Variants in NACC1 observed in about 807,000 individuals in gnomAD.
NACC1 encodes the protein nucleus accumbens associated 1, also known as nucleus accumbens-associated protein 1.
NACC1 carries 6 observed loss-of-function variants against 41.7 expected under a neutral mutation model. The ratio of observed to expected loss-of-function variants is 0.14; its 90% CI spans 0.08 to 0.28. The LOEUF (loss-of-function observed/expected upper bound fraction) is 0.28, where lower values mean the gene tolerates loss of function less well. Ranked by LOEUF, NACC1 falls within the 10% of genes least tolerant of loss-of-function variation. NACC1 has a pLI of 1.00. For synonymous variants in NACC1, 338 were observed against 330.6 expected (o/e 1.02, Z -0.24); for missense variants, 434 against 763.7 (o/e 0.57, Z 5.09).
Position 13,128,088 on chromosome 19 carries a change from C to T in NACC1, c.-8-7112C>T, listed in dbSNP as rs113449418. On this transcript the variant is annotated intron_variant, in intron 1 of 5. Coordinates refer to ENST00000292431, the MANE Select transcript of NACC1 (RefSeq NM_052876.4). ...AGGAGGGCCAGAGCTGGTGAAGCTA[C>T]GGCATTCACAGGTTTTGGGAAGGAC... Among the ~76,000 whole-genome samples, 765 of 152,234 alleles carry T rather than the reference C, an allele frequency of 5.0e-3. 9 individuals carry two copies. Among genetic ancestry groups the T allele is most frequent in the African/African-American group, 0.018 (730 of 41,530 alleles).
In NACC1 at chr19:13,135,399, C is replaced by G. The variant is rs753989683; in HGVS notation, c.192C>G (p.Ser64Arg). The G allele has an allele frequency of 6.2e-7, 1 of 1,613,300 alleles. No homozygotes were observed. The highest frequency in any genetic ancestry group is 8.5e-7 in the Non-Finnish European group (1 of 1,179,916). The change falls in exon 2 of 6, where the codon AGC becomes AGG. Residue 64 changes from serine (S) to arginine (R), a missense_variant. Coordinates refer to ENST00000292431, the MANE Select transcript of NACC1 (RefSeq NM_052876.4). The stretch of plus-strand genomic sequence containing the variant: ...GGGACCTGTTCAACAACAGCCGCAG[C>G]GCCGTGGTGGAGCTGCCGGCGGCTG... ...YFRDLFNNSR[S>R]AVVELPAAVQ...
chr19:13,125,412 C>CTTTTTT (rs760978944), intron 1 of NACC1, among the ~76,000 whole-genome samples: 1 of 100,306 alleles, frequency 1.0e-5, no homozygotes, highest in African/African-American at 3.7e-5. Context: ...GAAGGCCCCA[C>CTTTTTT]TTTTTTTTTT....
Position 13,127,870 on chromosome 19 carries a change from G to A in NACC1, c.-8-7330G>A, listed in dbSNP as rs549190264. On this transcript the variant is annotated intron_variant, in intron 1 of 5. Coordinates refer to ENST00000292431, the MANE Select transcript of NACC1 (RefSeq NM_052876.4). ...TCCAAAAGCAAAAGAGTAGAGAAAG[G>A]GCTTTATGTGACCAGGGAGAGTATG... Among the ~76,000 whole-genome samples, 5 of 152,056 alleles carry A rather than the reference G, an allele frequency of 3.3e-5. No individual in the cohort carries two copies. In the East Asian group the frequency reaches 9.7e-4, roughly 29 times the overall value.
Position 13,136,171 on chromosome 19 carries a change from C to A in NACC1, c.946+18C>A. On this transcript the variant is annotated intron_variant, in intron 2 of 5. Transcript: ENST00000292431. The surrounding 1 kb of genome is among the most constrained non-coding windows in gnomAD (Gnocchi z 5.5). ...CCAGACAGGTGAGGTGCCGTCCTGTCCCCCATCCCACCAGCCACCCCTGCT... is the reference window on the plus strand; with the variant it reads ...CCAGACAGGTGAGGTGCCGTCCTGTACCCCATCCCACCAGCCACCCCTGCT... The A allele has an allele frequency of 6.2e-7, 1 of 1,604,508 alleles. No individual in the cohort carries two copies.
chr19:13,122,311 C>T (rs552694057), intron 1 of NACC1, among the ~76,000 whole-genome samples: 5 of 152,200 alleles, frequency 3.3e-5, no homozygotes, highest in African/African-American at 4.8e-5. Context: ...TGAGCAGACA[C>T]GGTCTAGTAG....
At chr19:13,120,437 G>A (rs2019474648) in intron 1 of NACC1, among the ~76,000 whole-genome samples, 1 of 152,224 alleles carries the variant, frequency 6.6e-6, no homozygotes. Context: ...CCTGAGGCAG[G>A]AGCCACAAAC....
rs556937935 is a variant in NACC1 at position 13,138,310 on chromosome 19, G to A, written c.1488G>A (p.Thr496=). 12 of 1,614,164 alleles carry A rather than the reference G, an allele frequency of 7.4e-6. No homozygotes were observed. The East Asian group carries it at 8.9e-5, about 12-fold the overall frequency. Residue 496 remains threonine, a synonymous_variant, in exon 6 of 6, where the codon ACG becomes ACA. Transcript: ENST00000292431. This position sits in a 1 kb window ranked among gnomAD's most constrained non-coding sequence, Gnocchi z 5.7. The part of the protein sequence containing the change: ...DDAYTTFISE[T]GKIEPDMMGV... ...CCTACACCACCTTCATCAGTGAAAC[G>A]GGCAAGATCGAGCCGGACATGATGG...
chr19:13,125,412 C>CTTTTT (rs760978944), intron 1 of NACC1, among the ~76,000 whole-genome samples: 2 of 100,306 alleles, frequency 2.0e-5, no homozygotes, highest in African/African-American at 7.5e-5. Context: ...GAAGGCCCCA[C>CTTTTT]TTTTTTTTTT....
At chr19:13,131,092 A>G (rs1272946970) in intron 1 of NACC1, among the ~76,000 whole-genome samples, 7 of 152,066 alleles carry the variant, frequency 4.6e-5, no homozygotes, top group African/African-American at 1.4e-4. Context: ...TGCTTGGTTG[A>G]CATACCCACC....
At chr19:13,125,252 C>T (rs185157300) in intron 1 of NACC1, among the ~76,000 whole-genome samples, 106 of 152,270 alleles carry the variant, frequency 7.0e-4, no homozygotes, top group African/African-American at 2.4e-3. Context: ...ACGGTGCTAG[C>T]AGATTCCGTG....
intron 1 of NACC1, among the ~76,000 whole-genome samples, chr19:13,122,607 C>G (rs536758902): frequency 2.0e-5 from 3 of 151,786 alleles, no homozygotes; most frequent in Non-Finnish European, 4.4e-5. Flanking sequence ...GTAGGGCAGC[C>G]CCCACCACAA....
Position 13,135,365 on chromosome 19 carries a change from C to T in NACC1, c.158C>T (p.Ser53Phe), listed in dbSNP as rs1283860514. 1 of 1,613,566 alleles carries T rather than the reference C, an allele frequency of 6.2e-7. No homozygotes were observed. The highest frequency in any genetic ancestry group is 8.5e-7 in the Non-Finnish European group (1 of 1,180,036). Reference sequence around the variant, plus strand: ...CGGGCCGTGCTTGCTGCCAGCAGCTCCTACTTCCGGGACCTGTTCAACAAC... The same window carrying T: ...CGGGCCGTGCTTGCTGCCAGCAGCTTCTACTTCCGGGACCTGTTCAACAAC... ...AHRAVLAASS[S>F]YFRDLFNNSR... Residue 53 changes from serine to phenylalanine, a missense_variant, in exon 2 of 6, where the codon TCC becomes TTC. By Grantham distance (155) the Ser-to-Phe change is radical. Coordinates refer to ENST00000292431, the MANE Select transcript of NACC1 (RefSeq NM_052876.4).
rs758938722 is a variant in NACC1 at position 13,137,266 on chromosome 19, A to G, written c.1121-5A>G. 3.7e-6 allele frequency: 6 copies of G among 1,612,242 alleles called. No homozygotes were observed. Among genetic ancestry groups the G allele is most frequent in the South Asian group, 1.1e-5 (1 of 91,072 alleles). On this transcript the variant is annotated splice_region_variant and splice_polypyrimidine_tract_variant and intron_variant, in intron 3 of 5. Transcript: ENST00000292431. This position sits in a 1 kb window ranked among gnomAD's most constrained non-coding sequence, Gnocchi z 6.1. ...CCAGGCCATCCTCCGGCTTCCTCTC[A>G]CCAGGCACCAACGTGTACATCACAA...
At chr19:13,119,455 A>T (rs996365183) in intron 1 of NACC1, among the ~76,000 whole-genome samples, 1 of 151,984 alleles carries the variant, frequency 6.6e-6, no homozygotes, top group South Asian at 2.1e-4. Context: ...CACCTTATAT[A>T]TCTACAGGGA....
rs2019696456 is a variant in NACC1 at position 13,135,837 on chromosome 19, C to T, written c.630C>T (p.Asp210=). 2 of 1,553,370 alleles carry T rather than the reference C, an allele frequency of 1.3e-6. No individual in the cohort carries two copies. The highest frequency in any genetic ancestry group is 1.7e-6 in the Non-Finnish European group (2 of 1,151,252). ...SRKMAKFSTP[D]LAANRPHQPP... is the part of the protein sequence containing the mutation. The stretch of plus-strand genomic sequence containing the variant: ...AGATGGCCAAGTTCTCCACGCCGGA[C>T]CTGGCTGCCAACCGGCCTCACCAGC... The change falls in exon 2 of 6, where the codon GAC becomes GAT. Residue 210 remains aspartate (D), a synonymous_variant. Coordinates refer to ENST00000292431, the MANE Select transcript of NACC1 (RefSeq NM_052876.4).
rs577203890 is a variant in NACC1 at position 13,136,579 on chromosome 19, C to T, written c.1120+174C>T. ...CGTTGGTGAGATGGAGGAGCTGATA[C>T]AGCAAGGCCTGGCCTCTAGGTTTCT... On this transcript the variant is annotated intron_variant, in intron 3 of 5. Coordinates refer to ENST00000292431, the MANE Select transcript of NACC1 (RefSeq NM_052876.4). The surrounding 1 kb of genome is among the most constrained non-coding windows in gnomAD (Gnocchi z 5.5). Among the ~76,000 whole-genome samples, 2 of 152,316 alleles carry T rather than the reference C, an allele frequency of 1.3e-5. No individual in the cohort carries two copies. Among genetic ancestry groups the T allele is most frequent in the South Asian group, 4.1e-4 (2 of 4,822 alleles).
In NACC1 at chr19:13,138,219, A is replaced by G; in HGVS notation, c.1397A>G (p.Asn466Ser). Residue 466 changes from asparagine (N) to serine (S), a missense_variant, in exon 6 of 6, where the codon AAC (asparagine) becomes AGC (serine). By Grantham distance (46) the Asn-to-Ser change is conservative. Around this residue, in one of 4 missense-constraint regions of NACC1, gnomAD observed 70 missense variants for 206.9 expected, o/e 0.34. Coordinates refer to ENST00000292431, the MANE Select transcript of NACC1 (RefSeq NM_052876.4). This position sits in a 1 kb window ranked among gnomAD's most constrained non-coding sequence, Gnocchi z 5.7. ...GCCATCGCGGCCGACATGTGCACCAACGCCCGCCGCGTCGTGCGCAAGAGC... is the reference window on the plus strand; with the variant it reads ...GCCATCGCGGCCGACATGTGCACCAGCGCCCGCCGCGTCGTGCGCAAGAGC... ...MNAIAADMCT[N>S]ARRVVRKSWM... 1.2e-6 allele frequency: 2 copies of G among 1,614,208 alleles called. No individual in the cohort carries two copies. Among genetic ancestry groups the G allele is most frequent in the Non-Finnish European group, 1.7e-6 (2 of 1,180,030 alleles).
chr19:13,139,255 G>C lies in NACC1; in HGVS notation c.*849G>C, dbSNP rs1338058572. On this transcript the variant is annotated 3_prime_UTR_variant, in exon 6 of 6. Coordinates refer to ENST00000292431, the MANE Select transcript of NACC1 (RefSeq NM_052876.4). ...GGTTGGAACCCAGGGGAGCAGACTG[G>C]GGGGCTGTTGCCCCTCCCTCCATCT... The C allele has an allele frequency of 6.6e-6, 1 of 152,086 alleles. No homozygotes were observed. The highest frequency in any genetic ancestry group is 1.9e-4 in the East Asian group (1 of 5,178). 9.4% of individuals were successfully genotyped at this position (152,086 alleles called of 1,614,324 possible).
At chr19:13,132,671 C>A (rs2019648394) in intron 1 of NACC1, among the ~76,000 whole-genome samples, 7 of 152,076 alleles carry the variant, frequency 4.6e-5, no homozygotes, top group Admixed American at 4.6e-4. Context: ...AGGGGCAGGG[C>A]CTGTGTCTTG....
Sources: gnomAD v4.1 joint callset for allele counts (sites outside exome capture counted in the v4.1 genomes callset) on GRCh38, gnomAD v4.1.1 for gene constraint, gnomAD v4.1.1 regional missense constraint, Gnocchi (gnomAD v3.1) non-coding constraint, MANE v1.5 for transcripts, NCBI Gene and HGNC (gene_info 2026-07-23, HGNC 2026-07-21) for gene names.